The following LYN variants were observed in gnomAD, a reference collection of about 807,000 sequenced individuals.
LYN encodes tyrosine-protein kinase Lyn.
LYN carries 12 observed loss-of-function variants against 65.0 expected under a neutral mutation model. That is an observed-to-expected ratio of 0.18 (90% CI 0.12 to 0.30). The LOEUF (loss-of-function observed/expected upper bound fraction) is 0.30. Ranked by LOEUF, LYN falls within the 10% of genes least tolerant of loss-of-function variation. LYN has a pLI of 1.00. For missense variants in LYN, 380 were observed against 623.2 expected, an observed-to-expected ratio of 0.61 and a Z score of 4.16; for synonymous variants, 222 against 221.2, an observed-to-expected ratio of 1.00 and a Z score of -0.03.
intron 1 of LYN, among the ~76,000 whole-genome samples, chr8:55,884,020 T>C (rs1477972363): frequency 2.0e-5 from 3 of 152,192 alleles, no homozygotes; most frequent in South Asian, 2.1e-4. Flanking sequence ...GAGAATGGTA[T>C]GGAAATCTGC....
chr8:55,965,414 C>G (rs1383208242), intron 8 of LYN, among the ~76,000 whole-genome samples: 1 of 152,076 alleles, frequency 6.6e-6, no homozygotes, highest in East Asian at 1.9e-4. Flanking sequence ...GTGGGGGATC[C>G]TTTTTCACTA....
chr8:56,009,882 GTTCT>G (rs1808766636), intron 12 of LYN, 22 bp from the exon 13 acceptor site: 3 of 1,606,204 alleles, frequency 1.9e-6, no homozygotes, highest in Admixed American at 1.7e-5. Context: ...ATGGGTTTCT[GTTCT>G]TTTTGTTTTT....
intron 1 of LYN, among the ~76,000 whole-genome samples, chr8:55,914,260 G>A (rs1338885757): frequency 6.6e-6 from 1 of 151,922 alleles, no homozygotes; most frequent in Non-Finnish European, 1.5e-5. Flanking sequence ...AAGAGATTGA[G>A]GACTCAGGCA....
intron 1 of LYN, among the ~76,000 whole-genome samples, chr8:55,912,494 G>A (rs1268160480): frequency 6.6e-6 from 1 of 152,178 alleles, no homozygotes; most frequent in East Asian, 1.9e-4. Context: ...GGAGGTCGAG[G>A]CAAGCGGATC....
At chr8:55,947,295 A>T (rs1470947272) in intron 3 of LYN, among the ~76,000 whole-genome samples, 1 of 152,274 alleles carries the variant, frequency 6.6e-6, no homozygotes, top group African/African-American at 2.4e-5. Context: ...CCATTCCTCC[A>T]TCAATAGATG....
intron 1 of LYN, among the ~76,000 whole-genome samples, chr8:55,905,409 C>CA (rs111765573): frequency 1.2e-4 from 3 of 25,824 alleles, no homozygotes; most frequent in Non-Finnish European, 1.4e-4. Flanking sequence ...AACTCCGTCT[C>CA]AAAAAAAAAG....
intron 12 of LYN, among the ~76,000 whole-genome samples, chr8:56,000,235 A>G (rs1808476880): frequency 6.6e-6 from 1 of 152,180 alleles, no homozygotes; most frequent in East Asian, 1.9e-4. Flanking sequence ...TTGGTTTTGT[A>G]ATAAGTGCCC....
intron 10 of LYN, among the ~76,000 whole-genome samples, chr8:55,983,533 C>G (rs1238981007): frequency 1.3e-5 from 2 of 151,916 alleles, no homozygotes; most frequent in Non-Finnish European, 2.9e-5. Context: ...CCAGTTCTTC[C>G]CCACCCGCCC....
intron 10 of LYN, among the ~76,000 whole-genome samples, chr8:55,977,947 G>C (rs772027829): frequency 6.6e-6 from 1 of 151,988 alleles, no homozygotes; most frequent in Non-Finnish European, 1.5e-5. Context: ...AGCAAACAGA[G>C]CTCGTCTCTA....
chr8:55,965,231 A>G (rs902324820), intron 8 of LYN, among the ~76,000 whole-genome samples: 4 of 152,242 alleles, frequency 2.6e-5, no homozygotes, highest in Non-Finnish European at 5.9e-5. Context: ...AGTATTGCCC[A>G]GAGCGTGTTC....
intron 12 of LYN, among the ~76,000 whole-genome samples, chr8:56,005,657 T>G (rs938174100): frequency 1.3e-5 from 2 of 152,238 alleles, no homozygotes; most frequent in Admixed American, 1.3e-4. Flanking sequence ...AAGTTTCTAT[T>G]TCTTGTTCTC....
intron 1 of LYN, among the ~76,000 whole-genome samples, chr8:55,917,472 C>T (rs1415249823): frequency 6.6e-6 from 1 of 152,162 alleles, no homozygotes; most frequent in African/African-American, 2.4e-5. Context: ...GCATGAACCA[C>T]CAAAAACTGC....
Position 55,929,929 on chromosome 8 carries a change from G to A in LYN, c.-5-11926G>A, listed in dbSNP as rs368134955. On this transcript the variant is annotated intron_variant, in intron 1 of 12. Transcript: ENST00000519728. Reference sequence around the variant, plus strand: ...ACTGGTCTGTGGCCTGTTAGGAACTGGGCCACACAGCAGGAGGTGAACAGC... The same window carrying A: ...ACTGGTCTGTGGCCTGTTAGGAACTAGGCCACACAGCAGGAGGTGAACAGC... 1.3e-4 allele frequency among the ~76,000 whole-genome samples: 20 copies of A among 152,330 alleles called. No individual in the cohort carries two copies. In the South Asian group the frequency reaches 3.9e-3, roughly 30 times the overall value.
At chr8:55,886,512 T>C (rs1186347983) in intron 1 of LYN, among the ~76,000 whole-genome samples, 1 of 152,198 alleles carries the variant, frequency 6.6e-6, no homozygotes, top group Non-Finnish European at 1.5e-5. Flanking sequence ...CCTCCCAAAG[T>C]GCTGGGATTA....
intron 1 of LYN, among the ~76,000 whole-genome samples, chr8:55,923,242 TGA>T (rs1805996397): frequency 6.6e-6 from 1 of 152,212 alleles, no homozygotes; most frequent in Non-Finnish European, 1.5e-5. Context: ...TGATCCTTTC[TGA>T]GAGTCAGTAG....
At chr8:55,973,505 CT>C (rs1169896380) in intron 10 of LYN, among the ~76,000 whole-genome samples, 1 of 152,158 alleles carries the variant, frequency 6.6e-6, no homozygotes, top group African/African-American at 2.4e-5. Context: ...ATTCCCTTGG[CT>C]TTTAGGCCCT....
At chr8:55,924,552 C>G (rs56136409) in intron 1 of LYN, among the ~76,000 whole-genome samples, 6,897 of 151,454 alleles carry the variant, frequency 0.046, 190 homozygotes, top group African/African-American at 0.081. Context: ...TTAGTAGAAA[C>G]GGGGTTTCAC....
At chr8:55,898,450 G>T (rs1337069860) in intron 1 of LYN, among the ~76,000 whole-genome samples, 2 of 151,984 alleles carry the variant, frequency 1.3e-5, no homozygotes, top group African/African-American at 4.8e-5. Flanking sequence ...AACCATGCCT[G>T]GCTAATTTTT....
At position 56,013,661 on chromosome 8, in the gene LYN, T is replaced by C. The variant is rs1311134168; in HGVS notation, c.*3551T>C. ...AGGACTCAATTCTGCAACCTCAGCT[T>C]CTGACACCTTCAAATAAATTAAATG... is the stretch of plus-strand genomic sequence containing the variant. On this transcript the variant is annotated 3_prime_UTR_variant, in exon 13 of 13. Coordinates refer to ENST00000519728, the MANE Select transcript of LYN (RefSeq NM_002350.4). 6.6e-6 allele frequency: 1 copy of C among 152,212 alleles called. No homozygotes were observed. The highest frequency in any genetic ancestry group is 6.6e-5 in the Admixed American group (1 of 15,266). 9.4% of individuals were successfully genotyped at this position (152,212 alleles called of 1,614,324 possible).
Sources: gnomAD v4.1 joint callset for allele counts (sites outside exome capture counted in the v4.1 genomes callset) on GRCh38, gnomAD v4.1.1 for gene constraint, MANE v1.5 for transcripts, NCBI Gene and HGNC (gene_info 2026-07-23, HGNC 2026-07-21) for gene names.